SRR: variants seen among roughly 807,000 people sequenced by gnomAD.
SRR encodes the protein serine racemase.
A neutral mutation model predicts 32.7 loss-of-function variants in SRR; 19 were observed. The ratio of observed to expected loss-of-function variants is 0.58; its 90% CI spans 0.40 to 0.85. The LOEUF is 0.85. Among genes scored for constraint, SRR ranks in the 40% least tolerant of loss-of-function variants. The pLI is 0.00. For missense variants in SRR, 373 were observed against 404.7 expected (o/e 0.92, Z 0.67); for synonymous variants, 142 against 140.9 (o/e 1.01, Z -0.06).
At chr17:2,307,462 G>C in intron 1 of SRR, 1 of 1,435,118 alleles carries the variant, frequency 7.0e-7, no homozygotes, top group Non-Finnish European at 9.7e-7. Context: ...CTGTGGTGGT[G>C]GTGGATATCG....
intron 1 of SRR, among the ~76,000 whole-genome samples, chr17:2,304,478 G>A (rs989854716): frequency 2.0e-5 from 3 of 150,134 alleles, no homozygotes; most frequent in Non-Finnish European, 4.4e-5. Flanking sequence ...CCTGACCTCA[G>A]GTGATCCACC....
chr17:2,310,397 G>T (rs1228903135), intron 1 of SRR, among the ~76,000 whole-genome samples: 1 of 151,976 alleles, frequency 6.6e-6, no homozygotes, highest in Non-Finnish European at 1.5e-5. Flanking sequence ...TGTATTTTTG[G>T]TAGAGATAGG....
chr17:2,306,041 G>T (rs2075387733), intron 1 of SRR, among the ~76,000 whole-genome samples: 1 of 151,072 alleles, frequency 6.6e-6, no homozygotes, highest in South Asian at 2.1e-4. Flanking sequence ...AAGTTGGCCG[G>T]GCGCGGTGGC....
chr17:2,303,892 C>T, upstream of SRR: 1 of 351,180 alleles, frequency 2.8e-6, no homozygotes, highest in Non-Finnish European at 5.1e-6. Context: ...CGCCCGCCGC[C>T]GGTTCCAGAG....
intron 2 of SRR, among the ~76,000 whole-genome samples, chr17:2,317,459 C>A (rs542244378): frequency 1.1e-4 from 17 of 151,304 alleles, no homozygotes; most frequent in Non-Finnish European, 2.4e-4. Context: ...TTGCAGTGAG[C>A]CGAGATCGCG....
chr17:2,316,835 C>T (rs1222693814), intron 2 of SRR, among the ~76,000 whole-genome samples: 1 of 151,988 alleles, frequency 6.6e-6, no homozygotes, highest in African/African-American at 2.4e-5. Context: ...GCCTCAGCCA[C>T]CCGATTACCT....
chr17:2,313,882 T>C (rs890415006), intron 1 of SRR, among the ~76,000 whole-genome samples: 2 of 152,238 alleles, frequency 1.3e-5, no homozygotes, highest in Non-Finnish European at 2.9e-5. Context: ...GGTAAACCAC[T>C]GGATAGCAAC....
intron 1 of SRR, among the ~76,000 whole-genome samples, chr17:2,306,427 C>G (rs1418772433): frequency 6.7e-6 from 1 of 149,856 alleles, no homozygotes; most frequent in African/African-American, 2.4e-5. Context: ...TTAAAAACAA[C>G]AATTTTAGGC....
chr17:2,306,797 T>C, intron 1 of SRR: 1 of 721,688 alleles, frequency 1.4e-6, no homozygotes, highest in Non-Finnish European at 2.5e-6. Flanking sequence ...CTCGTACAGC[T>C]GAAGAAGCTC....
At chr17:2,315,488 T>C in intron 1 of SRR, 69 bp from the exon 2 acceptor site, 1 of 1,468,574 alleles carries the variant, frequency 6.8e-7, no homozygotes, top group South Asian at 1.4e-5. Context: ...TTACGTATTT[T>C]CAAAATCTCT....
chr17:2,318,001 T>G lies in SRR; in HGVS notation c.295+5T>G, dbSNP rs772215337. 8.7e-6 allele frequency: 14 copies of G among 1,611,470 alleles called. No individual in the cohort carries two copies. In the Admixed American group the frequency reaches 2.3e-4, roughly 27 times the overall value. ...CCTATGCTGCCAAATTGGAAGGTACTTGATTTCTCAAGGTACTGGGTAGAT... is the reference window on the plus strand; with the variant it reads ...CCTATGCTGCCAAATTGGAAGGTACGTGATTTCTCAAGGTACTGGGTAGAT... On this transcript the variant is annotated splice_donor_5th_base_variant and intron_variant, in intron 3 of 7. Coordinates refer to ENST00000344595, the MANE Select transcript of SRR (RefSeq NM_021947.3).
At chr17:2,309,343 A>G (rs140030075) in intron 1 of SRR, among the ~76,000 whole-genome samples, 2,162 of 152,276 alleles carry the variant, frequency 0.014, 30 homozygotes, top group Non-Finnish European at 0.023. Context: ...ATGAACATGT[A>G]TGGAATCATC....
chr17:2,319,472 A>G lies in SRR; in HGVS notation c.399+543A>G, dbSNP rs538616910. ...CCTAATTCCTTTATTTTTTGTAGAC[A>G]GGGTCTCACTGTTGCCCAGGCTGGT... On this transcript the variant is annotated intron_variant, in intron 4 of 7. Coordinates refer to ENST00000344595, the MANE Select transcript of SRR (RefSeq NM_021947.3). Among the ~76,000 whole-genome samples, 10 of 152,126 alleles carry G rather than the reference A, an allele frequency of 6.6e-5. No homozygotes were observed. The East Asian group carries it at 1.7e-3, about 27-fold the overall frequency.
At chr17:2,316,588 A>T (rs1042351086) in intron 2 of SRR, among the ~76,000 whole-genome samples, 5 of 152,246 alleles carry the variant, frequency 3.3e-5, no homozygotes, top group African/African-American at 1.2e-4. Context: ...CAAAAAATAC[A>T]AATATATGAC....
intron 2 of SRR, among the ~76,000 whole-genome samples, chr17:2,317,513 T>TAA (rs201360612): frequency 8.0e-6 from 1 of 124,234 alleles, no homozygotes. Context: ...AGACTAGGTC[T>TAA]AAAAAAATAA....
chr17:2,318,833 T>G lies in SRR; in HGVS notation c.303T>G (p.Pro101=), dbSNP rs1420128872. The G allele has an allele frequency of 2.5e-6, 4 of 1,613,016 alleles. No homozygotes were observed. In the South Asian group the frequency reaches 3.3e-5, roughly 13 times the overall value. Residue 101 remains proline, a synonymous_variant, in exon 4 of 8, where the codon CCT becomes CCG. Coordinates refer to ENST00000344595, the MANE Select transcript of SRR (RefSeq NM_021947.3). ...LTYAAKLEGI[P]AYIVVPQTAP... ...CTCGTTTTCCTCTCCCAGGAATTCC[T>G]GCTTATATTGTGGTGCCCCAGACAG...
At chr17:2,314,368 G>T (rs929681628) in intron 1 of SRR, among the ~76,000 whole-genome samples, 1 of 152,136 alleles carries the variant, frequency 6.6e-6, no homozygotes, top group Non-Finnish European at 1.5e-5. Flanking sequence ...CGGATCACGA[G>T]GTCAGGAGAT....
intron 1 of SRR, chr17:2,310,055 T>C (rs2151429809): frequency 6.6e-6 from 1 of 152,270 alleles, no homozygotes; most frequent in African/African-American, 2.4e-5. Context: ...AAGCTCCATA[T>C]TCCTCCCCTT....
chr17:2,322,337 G>C (rs979926257), intron 6 of SRR, among the ~76,000 whole-genome samples: 1 of 152,158 alleles, frequency 6.6e-6, no homozygotes, highest in African/African-American at 2.4e-5. Context: ...TCCATACCAA[G>C]GGGCTACCCT....
Sources: gnomAD v4.1 joint callset for allele counts (sites outside exome capture counted in the v4.1 genomes callset) on GRCh38, gnomAD v4.1.1 for gene constraint, MANE v1.5 for transcripts, NCBI Gene and HGNC (gene_info 2026-07-23, HGNC 2026-07-21) for gene names.